Variants in CAMTA1 observed in about 807,000 individuals in gnomAD.
CAMTA1 encodes the protein calmodulin-binding transcription activator 1.
A neutral mutation model predicts 170.9 loss-of-function variants in CAMTA1; 27 were observed. The ratio of observed to expected loss-of-function variants is 0.16; its 90% confidence interval spans 0.12 to 0.22. The LOEUF is 0.22. Among genes scored for constraint, CAMTA1 ranks in the 10% least tolerant of loss-of-function variants. The pLI is 1.00. For missense variants in CAMTA1, 1,619 were observed against 2,217.2 expected (o/e 0.73, Z 5.42); for synonymous variants, 833 against 891.5 (o/e 0.93, Z 1.17).
intron 1 of CAMTA1, among the ~76,000 whole-genome samples, chr1:6,797,490 A>G (rs1297300272): frequency 3.3e-5 from 5 of 151,712 alleles, no homozygotes; most frequent in African/African-American, 1.2e-4. Context: ...TGTTCAAGCA[A>G]TTCTCCCACC....
rs1012108591 is a variant in CAMTA1, at chr1:7,661,596, G to T, written c.665-130G>T. ...CTCCTCCTCCCCTACTCATCAATTCGCCCCAGGAGCCAGCTCCCCAGCAGT... is the reference window on the plus strand; with the variant it reads ...CTCCTCCTCCCCTACTCATCAATTCTCCCCAGGAGCCAGCTCCCCAGCAGT... On this transcript the variant is annotated intron_variant, in intron 7 of 22. Coordinates refer to ENST00000303635, the MANE Select transcript of CAMTA1 (RefSeq NM_015215.4). 20 of 1,033,654 alleles carry T rather than the reference G, an allele frequency of 1.9e-5. No individual in the cohort carries two copies. The South Asian group carries it at 2.9e-4, about 15-fold the overall frequency. The allele number at this position is 1,033,654 out of a possible 1,614,324, so 64.0% of individuals were successfully genotyped here.
At chr1:6,794,819 C>G (rs1642040703) in intron 1 of CAMTA1, among the ~76,000 whole-genome samples, 1 of 151,540 alleles carries the variant, frequency 6.6e-6, no homozygotes, top group African/African-American at 2.4e-5. Flanking sequence ...TTTAATAGTT[C>G]TAAGTAAATC....
chr1:7,711,008 T>C (rs985496562), intron 11 of CAMTA1, among the ~76,000 whole-genome samples: 1 of 152,192 alleles, frequency 6.6e-6, no homozygotes, highest in Non-Finnish European at 1.5e-5. Context: ...CTGCGCCACC[T>C]AAACCGGGTG....
intron 4 of CAMTA1, among the ~76,000 whole-genome samples, chr1:7,215,013 T>G (rs1452931035): frequency 6.6e-6 from 1 of 152,184 alleles, no homozygotes; most frequent in Non-Finnish European, 1.5e-5. Context: ...TTCTCTATTC[T>G]ATTGGTTTAT....
At chr1:7,749,460 G>T (rs569365135) in intron 19 of CAMTA1, among the ~76,000 whole-genome samples, 1 of 151,918 alleles carries the variant, frequency 6.6e-6, no homozygotes, top group Non-Finnish European at 1.5e-5. Context: ...CTTCCTGGGA[G>T]CACAAGTGAT....
intron 11 of CAMTA1, among the ~76,000 whole-genome samples, chr1:7,718,003 C>T (rs1359971520): frequency 6.6e-6 from 1 of 152,220 alleles, no homozygotes; most frequent in Non-Finnish European, 1.5e-5. Flanking sequence ...GTAGCGGTGA[C>T]TGGGATGAAC....
intron 5 of CAMTA1, among the ~76,000 whole-genome samples, chr1:7,359,784 G>A (rs187857431): frequency 1.2e-4 from 18 of 152,318 alleles, no homozygotes; most frequent in Admixed American, 9.2e-4. Context: ...TGCATGATAA[G>A]CAGGGAAGGT....
At chr1:6,876,835 G>A (rs1670037881) in intron 3 of CAMTA1, among the ~76,000 whole-genome samples, 1 of 152,142 alleles carries the variant, frequency 6.6e-6, no homozygotes. Flanking sequence ...ATCGAGAAAT[G>A]GCAGGCTTCA....
intron 4 of CAMTA1, among the ~76,000 whole-genome samples, chr1:7,179,363 GA>G (rs1651621568): frequency 6.6e-6 from 1 of 151,992 alleles, no homozygotes; most frequent in Admixed American, 6.6e-5. Context: ...AGATGAAGTG[GA>G]AAAAAATAAC....
chr1:6,941,011 G>T (rs1424076224), intron 3 of CAMTA1, among the ~76,000 whole-genome samples: 1 of 54,446 alleles, frequency 1.8e-5, no homozygotes, highest in Non-Finnish European at 3.8e-5. Flanking sequence ...CAGGGAAGGT[G>T]TGTCCTCAGG....
intron 7 of CAMTA1, among the ~76,000 whole-genome samples, chr1:7,650,980 G>C (rs575031190): frequency 3.3e-5 from 5 of 152,114 alleles, no homozygotes; most frequent in Non-Finnish European, 7.4e-5. Context: ...CAACAACACC[G>C]AGGACTCCGA....
At chr1:7,429,050 T>C (rs1291020951) in intron 5 of CAMTA1, among the ~76,000 whole-genome samples, 1 of 152,226 alleles carries the variant, frequency 6.6e-6, no homozygotes, top group African/African-American at 2.4e-5. Context: ...TGAGATTTCT[T>C]GGAGTGCTTT....
At position 7,732,910 on chromosome 1, in the gene CAMTA1, C is replaced by T. The variant is rs993854845; in HGVS notation, c.3066+311C>T. ...AGGACAACCAATTGAAAAATAGAGGCTGGCTGGGCATGGTGGCTCACGCCT... is the reference window on the plus strand; with the variant it reads ...AGGACAACCAATTGAAAAATAGAGGTTGGCTGGGCATGGTGGCTCACGCCT... On this transcript the variant is annotated intron_variant, in intron 12 of 22. Transcript: ENST00000303635. The surrounding 1 kb of genome is among the most constrained non-coding windows in gnomAD (Gnocchi z 4.1). Among the ~76,000 whole-genome samples the T allele has an allele frequency of 6.6e-6, 1 of 152,102 alleles. No homozygotes were observed. The highest frequency in any genetic ancestry group is 1.5e-5 in the Non-Finnish European group (1 of 68,020).
At chr1:6,974,670 C>T (rs1693105531) in intron 3 of CAMTA1, among the ~76,000 whole-genome samples, 2 of 152,184 alleles carry the variant, frequency 1.3e-5, no homozygotes, top group Non-Finnish European at 2.9e-5. Context: ...GCCGCACGGA[C>T]GTCCTGGAAG....
chr1:7,095,242 C>T (rs9434463), intron 4 of CAMTA1, among the ~76,000 whole-genome samples: 28,654 of 152,132 alleles, frequency 0.19, 3,303 homozygotes, highest in African/African-American at 0.31. Context: ...GCACCCCCAG[C>T]TCCTAGAACA....
chr1:6,988,551 C>T (rs769043883), intron 3 of CAMTA1, among the ~76,000 whole-genome samples: 2 of 152,014 alleles, frequency 1.3e-5, no homozygotes. Context: ...TTGTAATTAC[C>T]CTGGAAAGAA....
chr1:7,015,455 A>G (rs1700398513), intron 3 of CAMTA1, among the ~76,000 whole-genome samples: 1 of 152,116 alleles, frequency 6.6e-6, no homozygotes, highest in Non-Finnish European at 1.5e-5. Flanking sequence ...GCTGCAGCTA[A>G]ACTTAGCCTG....
At chr1:6,826,304 A>T (rs762064931) in intron 3 of CAMTA1, among the ~76,000 whole-genome samples, 7 of 152,150 alleles carry the variant, frequency 4.6e-5, no homozygotes, top group Non-Finnish European at 1.0e-4. Context: ...GAAGGACTCT[A>T]TGTTTTGATC....
chr1:7,084,087 G>A (rs1446169920), intron 3 of CAMTA1, among the ~76,000 whole-genome samples: 1 of 151,720 alleles, frequency 6.6e-6, no homozygotes, highest in Non-Finnish European at 1.5e-5. Context: ...ATGTTTCTAT[G>A]TGCAAAATAT....
Sources: allele counts gnomAD v4.1 joint callset (sites outside exome capture counted in the v4.1 genomes callset), GRCh38; gene constraint gnomAD v4.1.1; non-coding constraint Gnocchi (gnomAD v3.1); transcripts MANE v1.5; gene names NCBI Gene and HGNC (gene_info 2026-07-23, HGNC 2026-07-21).